C12orf42: variants seen among roughly 807,000 people sequenced by gnomAD.
The protein encoded by C12orf42 is chromosome 12 open reading frame 42.
In C12orf42, 25 loss-of-function variants were observed where a neutral mutation model predicts 21.6. The ratio of observed to expected loss-of-function variants is 1.16; its 90% CI spans 0.84 to 1.62. The LOEUF is 1.62. Among genes scored for constraint, C12orf42 ranks in the 40% most tolerant of loss-of-function variants. The probability of loss-of-function intolerance (pLI) is 0.00; values close to 1 mark genes in which losing one functional copy is unlikely to be tolerated. For missense variants in C12orf42, 483 were observed against 459.3 expected (o/e 1.05, Z -0.47); for synonymous variants, 174 against 175.0 (o/e 0.99, Z 0.05).
chr12:103,491,332 T>G (rs149717306), intron 1 of C12orf42, among the ~76,000 whole-genome samples: 2 of 152,226 alleles, frequency 1.3e-5, no homozygotes, highest in South Asian at 2.1e-4. Context: ...AGTTTTTATA[T>G]TGAATCTCTA....
intron 10 of C12orf42, among the ~76,000 whole-genome samples, chr12:103,240,838 ACTGTGG>A (rs2033702085): frequency 6.6e-6 from 1 of 152,172 alleles, no homozygotes; most frequent in South Asian, 2.1e-4. Flanking sequence ...GAAGTCAGGG[ACTGTGG>A]CTTTCTTGAC....
At chr12:103,220,549 A>G in the C12orf42 span, among the ~76,000 whole-genome samples, 1 of 152,222 alleles carries the variant, frequency 6.6e-6, no homozygotes, top group African/African-American at 2.4e-5. Flanking sequence ...CTTCAGTTCA[A>G]TAGCGTTCGT....
chr12:103,212,077 A>G, the C12orf42 span, among the ~76,000 whole-genome samples: 1 of 152,212 alleles, frequency 6.6e-6, no homozygotes, highest in African/African-American at 2.4e-5. Context: ...AATATTGTAC[A>G]TAGTGTGAGA....
At chr12:103,294,428 G>GAGAGAGAA (rs754499754) in intron 4 of C12orf42, among the ~76,000 whole-genome samples, 5 of 96,078 alleles carry the variant, frequency 5.2e-5, no homozygotes, top group South Asian at 7.8e-4. Flanking sequence ...AAAGGAGAGA[G>GAGAGAGAA]AGAAAGAAAG....
At chr12:103,433,131 A>G (rs139306757) in intron 2 of C12orf42, among the ~76,000 whole-genome samples, 9 of 152,324 alleles carry the variant, frequency 5.9e-5, no homozygotes, top group African/African-American at 2.2e-4. Flanking sequence ...ATATAGATAC[A>G]TTTGCGGTTG....
the C12orf42 span, among the ~76,000 whole-genome samples, chr12:103,229,479 A>T: frequency 9.2e-6 from 1 of 108,780 alleles, no homozygotes; most frequent in Admixed American, 8.9e-5. Context: ...ATCGTCAATT[A>T]TATTTATAAT....
the C12orf42 span, among the ~76,000 whole-genome samples, chr12:103,217,406 G>A: frequency 6.6e-6 from 1 of 151,868 alleles, no homozygotes; most frequent in Non-Finnish European, 1.5e-5. Context: ...GTGCATGCAT[G>A]TAGTCCTAGC....
the C12orf42 span, among the ~76,000 whole-genome samples, chr12:103,193,798 C>T: frequency 6.6e-6 from 1 of 152,092 alleles, no homozygotes; most frequent in Non-Finnish European, 1.5e-5. Flanking sequence ...CACTTTTAAA[C>T]TAGAAGAGGG....
rs753505963 is a variant in C12orf42 at position 103,368,972 on chromosome 12, T to C, written c.174A>G (p.Ser58=). The C allele has an allele frequency of 3.8e-6, 6 of 1,596,006 alleles. No individual in the cohort carries two copies. The highest frequency in any genetic ancestry group is 1.7e-5 in the Admixed American group (1 of 58,106). The stretch of plus-strand genomic sequence containing the variant: ...GATTAATGAATCTGGAGCAGGGTAC[T>C]GAAGTTCTTTCATAACAAGGGATGT... ...AKHIPCYERT[S]VPCSRFINHM... Residue 58 remains serine, a synonymous_variant, in exon 4 of 6, where the codon TCA becomes TCG. Coordinates refer to ENST00000548883, the MANE Select transcript of C12orf42 (RefSeq NM_198521.5).
the C12orf42 span, among the ~76,000 whole-genome samples, chr12:103,163,194 T>C: frequency 0.61 from 93,424 of 151,962 alleles, 30,655 homozygotes; most frequent in East Asian, 0.85. Context: ...AAGAAGTTTG[T>C]TCTTTGCTAA....
chr12:103,249,177 T>C (rs745321748), intron 10 of C12orf42, among the ~76,000 whole-genome samples: 1 of 152,002 alleles, frequency 6.6e-6, no homozygotes, highest in Non-Finnish European at 1.5e-5. Flanking sequence ...TGGAGTTAGT[T>C]TGGGGAGGCC....
intron 3 of C12orf42, among the ~76,000 whole-genome samples, chr12:103,392,656 C>G (rs187896265): frequency 3.3e-4 from 50 of 152,264 alleles, no homozygotes; most frequent in African/African-American, 1.2e-3. Flanking sequence ...AGACACACAA[C>G]TGATTTCTGT....
intron 3 of C12orf42, among the ~76,000 whole-genome samples, chr12:103,376,846 C>A (rs2045742353): frequency 6.6e-6 from 1 of 151,862 alleles, no homozygotes; most frequent in Non-Finnish European, 1.5e-5. Context: ...AATATTTTTT[C>A]TTTTTTAGGA....
the C12orf42 span, among the ~76,000 whole-genome samples, chr12:103,118,367 A>G: frequency 5.9e-5 from 9 of 152,204 alleles, no homozygotes. Flanking sequence ...GGGAACATCA[A>G]GCCCTGGTAA....
At chr12:103,107,909 G>T in the C12orf42 span, among the ~76,000 whole-genome samples, 1 of 150,904 alleles carries the variant, frequency 6.6e-6, no homozygotes, top group Non-Finnish European at 1.5e-5. Context: ...AAACACAGAC[G>T]TAGAACATAT....
At chr12:103,148,893 A>G in the C12orf42 span, among the ~76,000 whole-genome samples, 1 of 152,200 alleles carries the variant, frequency 6.6e-6, no homozygotes, top group African/African-American at 2.4e-5. Flanking sequence ...CATCCAGAAA[A>G]TTATTTGCCC....
intron 3 of C12orf42, among the ~76,000 whole-genome samples, chr12:103,375,013 CA>C (rs1463017604): frequency 6.6e-6 from 1 of 152,206 alleles, no homozygotes; most frequent in Non-Finnish European, 1.5e-5. Flanking sequence ...ACAACCCTTA[CA>C]ACTAAAATGA....
chr12:103,510,669 A>G, the C12orf42 span, among the ~76,000 whole-genome samples: 1 of 152,206 alleles, frequency 6.6e-6, no homozygotes, highest in African/African-American at 2.4e-5. Context: ...TTTTGAACTC[A>G]GTGATAAAAT....
At chr12:103,164,772 T>C in the C12orf42 span, 1 of 451,668 alleles carries the variant, frequency 2.2e-6, no homozygotes. Flanking sequence ...GAGTAGGCTT[T>C]GATTCTGTCG....
Sources: allele counts gnomAD v4.1 joint callset (sites outside exome capture counted in the v4.1 genomes callset), GRCh38; gene constraint gnomAD v4.1.1; transcripts MANE v1.5; gene names NCBI Gene and HGNC (gene_info 2026-07-23, HGNC 2026-07-21).